The following ABCG1 variants were observed in gnomAD, a reference collection of about 807,000 sequenced individuals.
ABCG1 encodes the protein ATP binding cassette subfamily G member 1, also known as ATP-binding cassette sub-family G member 1.
Under a neutral mutation model 69.2 loss-of-function variants are expected in ABCG1, and 29 were observed. The ratio of observed to expected loss-of-function variants is 0.42; its 90% CI spans 0.31 to 0.57. ABCG1 has a LOEUF of 0.57. Among genes scored for constraint, ABCG1 ranks in the 20% least tolerant of loss-of-function variants. The pLI, the probability that ABCG1 is intolerant of heterozygous loss-of-function variation, is 0.15. For synonymous variants in ABCG1, 370 were observed against 374.8 expected, an observed-to-expected ratio of 0.99 and a Z score of 0.15; for missense variants, 718 against 898.1, an observed-to-expected ratio of 0.80 and a Z score of 2.56.
At chr21:42,235,242 G>A (rs1179103424) in intron 2 of ABCG1, among the ~76,000 whole-genome samples, 3 of 152,224 alleles carry the variant, frequency 2.0e-5, no homozygotes, top group African/African-American at 7.2e-5. Flanking sequence ...CGGTGACTGG[G>A]AGACCCCGGG....
chr21:42,283,712 TACC>T lies in ABCG1; in HGVS notation c.735-844_735-842del, dbSNP rs1317302725. 1.0e-4 allele frequency among the ~76,000 whole-genome samples: 8 copies of T among 76,466 alleles called. 2 individuals are homozygous for T. Among genetic ancestry groups the T allele is most frequent in the Admixed American group, 3.7e-4 (3 of 8,044 alleles). The allele number at this position is 76,466 out of a possible 152,430, so 50.2% of individuals were successfully genotyped here. ...CTTTCCCACCTGGACAGTTGTGAAGTACCACCCACCACCCAGATGAGTGGGGAC... is the reference window on the plus strand; with the variant it reads ...CTTTCCCACCTGGACAGTTGTGAAGTACCCACCACCCAGATGAGTGGGGAC... On this transcript the variant is annotated intron_variant, in intron 6 of 14. Coordinates refer to ENST00000398449, the MANE Select transcript of ABCG1 (RefSeq NM_016818.3).
chr21:42,255,570 G>T (rs1449294443), intron 2 of ABCG1, among the ~76,000 whole-genome samples: 6 of 152,204 alleles, frequency 3.9e-5, no homozygotes, highest in Non-Finnish European at 7.4e-5. Context: ...GGCCCCTTCA[G>T]TTGTAATAGG....
At chr21:42,242,724 C>G (rs1454125553) in intron 2 of ABCG1, among the ~76,000 whole-genome samples, 1 of 152,150 alleles carries the variant, frequency 6.6e-6, no homozygotes, top group African/African-American at 2.4e-5. Flanking sequence ...CATCCCAGTC[C>G]TTTAGAGCCG....
chr21:42,244,474 A>G (rs1180711264), intron 2 of ABCG1, among the ~76,000 whole-genome samples: 1 of 152,196 alleles, frequency 6.6e-6, no homozygotes, highest in African/African-American at 2.4e-5. Context: ...ATAAATTGAT[A>G]AAGCTAAAAG....
In ABCG1 at chr21:42,235,949, G is replaced by T. The variant is rs80045016; in HGVS notation, c.286+10035G>T. ...CTTTGAATTTTATTTTTGATTTACA[G>T]GTCTTTACTTCAGGTGGCACAATTT... is the stretch of plus-strand genomic sequence containing the variant. On this transcript the variant is annotated intron_variant, in intron 2 of 14. Coordinates refer to ENST00000398449, the MANE Select transcript of ABCG1 (RefSeq NM_016818.3). Among the ~76,000 whole-genome samples the T allele has an allele frequency of 9.9e-3, 1,502 of 152,302 alleles. 23 individuals are homozygous for T. Among genetic ancestry groups the T allele is most frequent in the African/African-American group, 0.034 (1,409 of 41,556 alleles).
intron 2 of ABCG1, among the ~76,000 whole-genome samples, chr21:42,245,239 C>T (rs935889163): frequency 6.6e-6 from 1 of 152,196 alleles, no homozygotes; most frequent in African/African-American, 2.4e-5. Flanking sequence ...GATGGAAGAA[C>T]CAAAGAAAAC....
chr21:42,264,273 C>G (rs779412284), intron 2 of ABCG1, among the ~76,000 whole-genome samples: 43 of 152,210 alleles, frequency 2.8e-4, no homozygotes, highest in Non-Finnish European at 5.1e-4. Flanking sequence ...GTGGCTCATT[C>G]TGAAGGAGGG....
intron 2 of ABCG1, among the ~76,000 whole-genome samples, chr21:42,263,360 A>T (rs1489025479): frequency 6.6e-6 from 1 of 152,214 alleles, no homozygotes; most frequent in Non-Finnish European, 1.5e-5. Flanking sequence ...TTTGTTTAAA[A>T]ATCAACACCT....
chr21:42,201,823 G>A (rs1419413644), intron 2 of ABCG1: 1 of 1,592,478 alleles, frequency 6.3e-7, no homozygotes, highest in Middle Eastern at 1.7e-4. Flanking sequence ...GTCTAGAGAT[G>A]ATTCTTGGTG....
chr21:42,225,598 T>G, intron 1 of ABCG1, 73 bp from the exon 2 acceptor site: 1 of 1,559,604 alleles, frequency 6.4e-7, no homozygotes, highest in Non-Finnish European at 8.7e-7. Flanking sequence ...CTGAGCCTCA[T>G]GGTGAATCTC....
At chr21:42,203,415 G>T (rs895231703) in intron 2 of ABCG1, among the ~76,000 whole-genome samples, 2 of 151,960 alleles carry the variant, frequency 1.3e-5, no homozygotes, top group African/African-American at 2.4e-5. Flanking sequence ...TCCCTGAAAG[G>T]TTATTTCACA....
At chr21:42,279,135 G>A (rs544504576) in intron 5 of ABCG1, among the ~76,000 whole-genome samples, 252 of 152,042 alleles carry the variant, frequency 1.7e-3, no homozygotes, top group Non-Finnish European at 1.7e-3. Context: ...GCCCTCCATC[G>A]AGGTCCCAAA....
intron 2 of ABCG1, among the ~76,000 whole-genome samples, chr21:42,260,443 T>C (rs2068388861): frequency 6.6e-6 from 1 of 152,186 alleles, no homozygotes; most frequent in Non-Finnish European, 1.5e-5. Context: ...GGATTTTGTT[T>C]GGGTTCTTTT....
chr21:42,267,020 C>T (rs1208603221), intron 2 of ABCG1, among the ~76,000 whole-genome samples: 1 of 152,140 alleles, frequency 6.6e-6, no homozygotes, highest in Non-Finnish European at 1.5e-5. Context: ...GAATTTATGT[C>T]CCCTAAAAAA....
chr21:42,235,093 T>A (rs1569212212), intron 2 of ABCG1, among the ~76,000 whole-genome samples: 1 of 152,144 alleles, frequency 6.6e-6, no homozygotes, highest in Non-Finnish European at 1.5e-5. Flanking sequence ...GCCCCGCGCG[T>A]GCTGGTGTTC....
intron 2 of ABCG1, among the ~76,000 whole-genome samples, chr21:42,242,506 A>T (rs1242337011): frequency 2.0e-5 from 3 of 152,210 alleles, no homozygotes; most frequent in Non-Finnish European, 4.4e-5. Flanking sequence ...TGTCCCTAAA[A>T]ACAAAACAAC....
intron 2 of ABCG1, among the ~76,000 whole-genome samples, chr21:42,270,283 T>G (rs1001383464): frequency 3.5e-5 from 4 of 112,844 alleles, no homozygotes; most frequent in African/African-American, 1.1e-4. Flanking sequence ...AAAAAAAAAG[T>G]GCCCCTGGAT....
Position 42,273,870 on chromosome 21 carries a change from T to G in ABCG1, c.537+435T>G, listed in dbSNP as rs2068662666. On this transcript the variant is annotated intron_variant, in intron 4 of 14. Transcript: ENST00000398449. This position sits in a 1 kb window ranked among gnomAD's most constrained non-coding sequence, Gnocchi z 5.3. ...GGTCAGGATACCAAGGGTCTATTCCTCTGACTCACCTGCCTCCCAGGTGGG... is the reference window on the plus strand; with the variant it reads ...GGTCAGGATACCAAGGGTCTATTCCGCTGACTCACCTGCCTCCCAGGTGGG... 6.6e-6 allele frequency among the ~76,000 whole-genome samples: 1 copy of G among 152,142 alleles called. No homozygotes were observed. Among genetic ancestry groups the G allele is most frequent in the Non-Finnish European group, 1.5e-5 (1 of 68,020 alleles).
chr21:42,202,099 C>T (rs766838620), intron 2 of ABCG1, among the ~76,000 whole-genome samples: 3 of 152,188 alleles, frequency 2.0e-5, no homozygotes, highest in East Asian at 1.9e-4. Flanking sequence ...GCAGCAGCAG[C>T]GTTTACCCAC....
Sources: allele counts gnomAD v4.1 joint callset (sites outside exome capture counted in the v4.1 genomes callset), GRCh38; gene constraint gnomAD v4.1.1; non-coding constraint Gnocchi (gnomAD v3.1); transcripts MANE v1.5; gene names NCBI Gene and HGNC (gene_info 2026-07-23, HGNC 2026-07-21).